TPP2: variants seen among roughly 807,000 people sequenced by gnomAD.
TPP2 encodes tripeptidyl peptidase 2, also known as tripeptidyl-peptidase 2.
In TPP2, 34 loss-of-function variants were observed where a neutral mutation model predicts 155.9. The observed-to-expected ratio is 0.22, with a 90% confidence interval of 0.17 to 0.29. TPP2 has a LOEUF of 0.29. Among genes scored for constraint, TPP2 ranks in the 10% least tolerant of loss-of-function variants. The probability of loss-of-function intolerance (pLI) is 1.00; values close to 1 mark genes in which losing one functional copy is unlikely to be tolerated. For synonymous variants in TPP2, 510 were observed against 529.4 expected (o/e 0.96, Z 0.50); for missense variants, 1,028 against 1,522.3 (o/e 0.68, Z 5.40).
chr13:102,679,702 C>A lies in TPP2; in HGVS notation c.*1386C>A, dbSNP rs1192608673. 6.6e-6 allele frequency: 1 copy of A among 152,246 alleles called. No individual in the cohort carries two copies. The highest frequency in any genetic ancestry group is 1.5e-5 in the Non-Finnish European group (1 of 68,048). The allele number at this position is 152,246 out of a possible 1,614,324, so 9.4% of individuals were successfully genotyped here. On this transcript the variant is annotated 3_prime_UTR_variant, in exon 30 of 30. Transcript: ENST00000376052. ...TCTCTCTCACACACTCATGGACTTT[C>A]ACCTGCACACACATACAGGTCCCCA... is the stretch of plus-strand genomic sequence containing the variant.
Position 102,606,439 on chromosome 13 carries a change from G to A in TPP2, c.294+1518G>A, listed in dbSNP as rs1879836959. Among the ~76,000 whole-genome samples the A allele has an allele frequency of 2.0e-5, 3 of 152,178 alleles. No homozygotes were observed. In the South Asian group the frequency reaches 6.2e-4, roughly 32 times the overall value. The stretch of plus-strand genomic sequence containing the variant: ...CAGGGTCTCACAAGACTGCAGTCAA[G>A]ATTAAAGGCTCAGCTGAGGCTCAGG... On this transcript the variant is annotated intron_variant, in intron 2 of 29. Coordinates refer to ENST00000376052, the MANE Select transcript of TPP2 (RefSeq NM_001330588.2).
At chr13:102,642,414 G>GAAACAAATT (rs1882825561) in intron 16 of TPP2, among the ~76,000 whole-genome samples, 1 of 151,042 alleles carries the variant, frequency 6.6e-6, no homozygotes. Context: ...GGTTTAGGTT[G>GAAACAAATT]GTATTGAAAA....
chr13:102,627,778 G>T, intron 7 of TPP2, 70 bp from the exon 8 acceptor site: 1 of 1,068,226 alleles, frequency 9.4e-7, no homozygotes, highest in Non-Finnish European at 1.4e-6. Flanking sequence ...TTATATATAT[G>T]CCCTTATTTT....
chr13:102,638,683 GT>G (rs1352644691), intron 15 of TPP2, among the ~76,000 whole-genome samples: 1 of 152,092 alleles, frequency 6.6e-6, no homozygotes, highest in African/African-American at 2.4e-5. Flanking sequence ...TGTCTCTGTC[GT>G]TTTTGGGATT....
At position 102,597,010 on chromosome 13, in the gene TPP2, G is replaced by T; in HGVS notation, c.-29G>T. 2 of 1,605,858 alleles carry T rather than the reference G, an allele frequency of 1.2e-6. No individual in the cohort carries two copies. Among genetic ancestry groups the T allele is most frequent in the Non-Finnish European group, 1.7e-6 (2 of 1,176,710 alleles). On this transcript the variant is annotated 5_prime_UTR_variant, in exon 1 of 30. Coordinates refer to ENST00000376052, the MANE Select transcript of TPP2 (RefSeq NM_001330588.2). ...TAGTCCGCGCGCAGCCTGGCAGTTT[G>T]CCGCTTCCTCGTCCTCCATCCTGCG...
chr13:102,673,600 G>C (rs191331448), intron 27 of TPP2, among the ~76,000 whole-genome samples: 2 of 152,298 alleles, frequency 1.3e-5, no homozygotes, highest in African/African-American at 4.8e-5. Flanking sequence ...TGTCTGCCCT[G>C]GATCAAGGCA....
At position 102,643,442 on chromosome 13, in the gene TPP2, A is replaced by G. The variant is rs1446384073; in HGVS notation, c.2175+66A>G. 3.8e-6 allele frequency: 5 copies of G among 1,317,452 alleles called. No individual in the cohort carries two copies. In the African/African-American group the frequency reaches 7.6e-5, roughly 20 times the overall value. The allele number at this position is 1,317,452 out of a possible 1,614,324, so 81.6% of individuals were successfully genotyped here. Reference sequence around the variant, plus strand: ...TGCCTTTTTGGTATGGGCTAAGACTAAGTATTTGCATTTGATTTTATAGTT... The same window carrying G: ...TGCCTTTTTGGTATGGGCTAAGACTGAGTATTTGCATTTGATTTTATAGTT... On this transcript the variant is annotated intron_variant, in intron 17 of 29. Transcript: ENST00000376052.
rs571844589 is a variant in TPP2, at chr13:102,670,135, G to A, written c.3372-4148G>A. The stretch of plus-strand genomic sequence containing the variant: ...CCACTTTTCCATTTTTACCAGAGCC[G>A]TCAATAAAAAGCATTAAAGAATTAG... On this transcript the variant is annotated intron_variant, in intron 27 of 29. Coordinates refer to ENST00000376052, the MANE Select transcript of TPP2 (RefSeq NM_001330588.2). 8.0e-5 allele frequency among the ~76,000 whole-genome samples: 12 copies of A among 149,712 alleles called. 1 individual carries two copies. The East Asian group carries it at 1.2e-3, about 15-fold the overall frequency.
At chr13:102,665,033 T>G in intron 27 of TPP2, 108 bp downstream of exon 27, 1 of 1,334,978 alleles carries the variant, frequency 7.5e-7, no homozygotes, top group Non-Finnish European at 1.0e-6. Flanking sequence ...GTTTGTTATA[T>G]CCTTATAATG....
intron 25 of TPP2, among the ~76,000 whole-genome samples, chr13:102,661,627 T>G (rs1039503401): frequency 6.6e-6 from 1 of 152,158 alleles, no homozygotes; most frequent in African/African-American, 2.4e-5. Flanking sequence ...GTAATCTGAA[T>G]AGATATTTCT....
intron 8 of TPP2, among the ~76,000 whole-genome samples, chr13:102,628,145 G>A (rs1435631872): frequency 1.3e-5 from 2 of 152,248 alleles, no homozygotes; most frequent in South Asian, 2.1e-4. Flanking sequence ...TGTTAATGCT[G>A]TTCACTGCAC....
At chr13:102,671,229 G>C (rs1055360165) in intron 27 of TPP2, among the ~76,000 whole-genome samples, 4 of 152,216 alleles carry the variant, frequency 2.6e-5, no homozygotes, top group African/African-American at 4.8e-5. Flanking sequence ...GGGAAGGGAG[G>C]CCCTGTTGTA....
chr13:102,678,259 A>G lies in TPP2; in HGVS notation c.3732A>G (p.Ala1244=), dbSNP rs1468379103. 5 of 1,613,760 alleles carry G rather than the reference A, an allele frequency of 3.1e-6. No homozygotes were observed. The highest frequency in any genetic ancestry group is 4.2e-6 in the Non-Finnish European group (5 of 1,179,732). The stretch of plus-strand genomic sequence containing the variant: ...AGTTACTTGGATGGACCCATTGTGC[A>G]TCTTTTACTGAAAACTGGCTCCCCA... ...LMKLLGWTHC[A]SFTENWLPIM... The change falls in exon 30 of 30, where the codon GCA becomes GCG. Residue 1244 remains alanine (A), a synonymous_variant. Coordinates refer to ENST00000376052, the MANE Select transcript of TPP2 (RefSeq NM_001330588.2).
intron 27 of TPP2, 145 bp downstream of exon 27, chr13:102,665,070 C>T (rs1884502757): frequency 1.9e-6 from 2 of 1,039,374 alleles, no homozygotes; most frequent in African/African-American, 1.7e-5. Flanking sequence ...GGATACTCCC[C>T]TCCTTAGAAA....
chr13:102,670,028 G>A (rs1388533310), intron 27 of TPP2, among the ~76,000 whole-genome samples: 1 of 152,178 alleles, frequency 6.6e-6, no homozygotes, highest in Non-Finnish European at 1.5e-5. Context: ...TCTAGGGCCA[G>A]TATTAAGGCT....
intron 17 of TPP2, 93 bp from the exon 18 acceptor site, chr13:102,644,464 G>GAA: frequency 9.2e-7 from 1 of 1,085,080 alleles, no homozygotes; most frequent in South Asian, 1.8e-5. Flanking sequence ...GGAAAAGTTT[G>GAA]AAAACAGAAT....
Position 102,626,993 on chromosome 13 carries a change from C to A in TPP2, c.785-19C>A, listed in dbSNP as rs1881670117. The A allele has an allele frequency of 2.0e-6, 3 of 1,503,094 alleles. No homozygotes were observed. The highest frequency in any genetic ancestry group is 1.4e-5 in the African/African-American group (1 of 70,284). The allele number at this position is 1,503,094 out of a possible 1,614,324, so 93.1% of individuals were successfully genotyped here. ...GTCCATGAGAATGTTTTGTCATTTC[C>A]CCACCTTTGTGTCTCTAGGAGCTCA... is the stretch of plus-strand genomic sequence containing the variant. On this transcript the variant is annotated intron_variant, in intron 6 of 29. Coordinates refer to ENST00000376052, the MANE Select transcript of TPP2 (RefSeq NM_001330588.2).
intron 25 of TPP2, among the ~76,000 whole-genome samples, chr13:102,662,782 G>C (rs915797745): frequency 1.3e-5 from 2 of 152,028 alleles, no homozygotes; most frequent in Non-Finnish European, 1.5e-5. Flanking sequence ...CCCACTTCTG[G>C]TGCTAGTTTG....
Position 102,644,559 on chromosome 13 carries a change from T to C in TPP2, c.2178T>C (p.Gly726=), listed in dbSNP as rs1318983213. 1.2e-6 allele frequency: 2 copies of C among 1,602,550 alleles called. No homozygotes were observed. Among genetic ancestry groups the C allele is most frequent in the Non-Finnish European group, 1.7e-6 (2 of 1,174,878 alleles). Residue 726 remains glycine, a splice_region_variant and synonymous_variant, in exon 18 of 30, where the codon GGT becomes GGC. Transcript: ENST00000376052. ...GTLTEAFPVL[G]GKAIEFCIAR... ...ATTTTATTTACTTTTATTTGCAGGG[T>C]GGAAAAGCAATTGAATTTTGCATTG... is the stretch of plus-strand genomic sequence containing the variant.
Sources: gnomAD v4.1 joint callset for allele counts (sites outside exome capture counted in the v4.1 genomes callset) on GRCh38, gnomAD v4.1.1 for gene constraint, MANE v1.5 for transcripts, NCBI Gene and HGNC (gene_info 2026-07-23, HGNC 2026-07-21) for gene names.